The following PGF variants were observed in gnomAD, a reference collection of about 807,000 sequenced individuals.
PGF encodes placenta growth factor.
A neutral mutation model predicts 25.3 loss-of-function variants in PGF; 11 were observed. That is an observed-to-expected ratio of 0.43 (90% CI 0.27 to 0.72). PGF has a LOEUF of 0.72. PGF is among the 30% of genes least tolerant of loss of function. PGF has a pLI of 0.18. For missense variants in PGF, 230 were observed against 234.9 expected (o/e 0.98, Z 0.14); for synonymous variants, 105 against 97.9 (o/e 1.07, Z -0.43).
Position 74,942,501 on chromosome 14 carries a change from TTCTC to T in PGF, c.*201_*204del, listed in dbSNP as rs1274778547. ...AAGCTCCCAGGGGTCTGTGGCTGGC[TTCTC>T]TCTTTCTCTCACGTTGTTGAAGGCA... On this transcript the variant is annotated 3_prime_UTR_variant, in exon 7 of 7. Coordinates refer to ENST00000555567, the MANE Select transcript of PGF (RefSeq NM_002632.6). 6.7e-6 allele frequency: 4 copies of T among 599,864 alleles called. No homozygotes were observed. In the East Asian group the frequency reaches 9.7e-5, roughly 15 times the overall value. The allele number at this position is 599,864 out of a possible 1,614,324, so 37.2% of individuals were successfully genotyped here. A position where few individuals can be genotyped will look rare whatever the true frequency, so the allele number is the denominator to read the frequency against.
upstream of PGF, chr14:74,955,614 C>G (rs573999121): frequency 3.3e-5 from 6 of 179,700 alleles, no homozygotes; most frequent in Admixed American, 6.2e-5. The surrounding 1 kb of genome is among the most constrained non-coding windows in gnomAD (Gnocchi z 4.1). Flanking sequence ...GCAGCCGGTC[C>G]GCGCCTGGGT....
intron 6 of PGF, among the ~76,000 whole-genome samples, chr14:74,944,109 C>CTT (rs546450998): frequency 2.5e-4 from 28 of 112,518 alleles, no homozygotes; most frequent in African/African-American, 4.5e-4. Context: ...TGTTAATTTT[C>CTT]TTTTTTTTTT....
intron 2 of PGF, among the ~76,000 whole-genome samples, chr14:74,952,548 G>A (rs1470611106): frequency 1.3e-5 from 2 of 152,350 alleles, no homozygotes; most frequent in African/African-American, 2.4e-5. Context: ...CATTGTTACC[G>A]TGAATAGTAA....
In PGF at chr14:74,948,627, C is replaced by T. The variant is rs8021522; in HGVS notation, c.316-44G>A. The T allele has an allele frequency of 3.4e-3, 4,506 of 1,320,628 alleles. 80 individuals carry two copies. In the African/African-American group the frequency reaches 0.04, roughly 12 times the overall value. 81.8% of individuals were successfully genotyped at this position (1,320,628 alleles called of 1,614,324 possible). A position where few individuals can be genotyped will look rare whatever the true frequency, so the allele number is the denominator to read the frequency against. On this transcript the variant is annotated intron_variant, in intron 3 of 6. Transcript: ENST00000555567. ...GATGCCTGGATTGGGGAGTGGCCCA[C>T]GAGTTTCCGGCACTCTTCTCTCTCT... is the stretch of plus-strand genomic sequence containing the variant.
At position 74,950,874 on chromosome 14, in the gene PGF, A is replaced by C. The variant is rs1273198303; in HGVS notation, c.119-1321T>G. Among the ~76,000 whole-genome samples the C allele has an allele frequency of 6.6e-6, 1 of 152,182 alleles. No individual in the cohort carries two copies. The highest frequency in any genetic ancestry group is 1.5e-5 in the Non-Finnish European group (1 of 68,026). On this transcript the variant is annotated intron_variant, in intron 2 of 6. Transcript: ENST00000555567. This position sits in a 1 kb window ranked among gnomAD's most constrained non-coding sequence, Gnocchi z 4.1. The stretch of plus-strand genomic sequence containing the variant: ...GATGGTCATCCTCAGCTAGTGGGGA[A>C]GAATGGGGAGCTGGGGGTCCTGCAG...
chr14:74,942,505 CTCTT>C lies in PGF; in HGVS notation c.*197_*200del, dbSNP rs2140399018. 3.3e-6 allele frequency: 2 copies of C among 609,202 alleles called. No individual in the cohort carries two copies. Among genetic ancestry groups the C allele is most frequent in the East Asian group, 3.2e-5 (1 of 31,188 alleles). 37.7% of individuals were successfully genotyped at this position (609,202 alleles called of 1,614,324 possible). On this transcript the variant is annotated 3_prime_UTR_variant, in exon 7 of 7. Transcript: ENST00000555567. ...TCCCAGGGGTCTGTGGCTGGCTTCTCTCTTTCTCTCACGTTGTTGAAGGCACTGA... is the reference window on the plus strand; with the variant it reads ...TCCCAGGGGTCTGTGGCTGGCTTCTCTCTCTCACGTTGTTGAAGGCACTGA...
intron 2 of PGF, 88 bp from the exon 3 acceptor site, chr14:74,949,641 C>G (rs1888829241): frequency 1.9e-6 from 2 of 1,044,586 alleles, no homozygotes; most frequent in African/African-American, 3.2e-5. Flanking sequence ...TGCTGGCCTT[C>G]CAGGTTCAGC....
Position 74,955,194 on chromosome 14 carries a change from G to A in PGF, c.49C>T (p.Leu17=). 6.7e-7 allele frequency: 1 copy of A among 1,488,006 alleles called. No homozygotes were observed. Among genetic ancestry groups the A allele is most frequent in the Non-Finnish European group, 9.0e-7 (1 of 1,111,242 alleles). 92.2% of individuals were successfully genotyped at this position (1,488,006 alleles called of 1,614,324 possible). A position where few individuals can be genotyped will look rare whatever the true frequency, so the allele number is the denominator to read the frequency against. ...TGGGGGGGCACAGCAGGCAGCGCCA[G>A]CCCGGCCAGGAGCTGCAGGAAGCAA... ...FPCFLQLLAG[L]ALPAVPPQQW... is the part of the protein sequence containing the mutation. Residue 17 remains leucine (L), a synonymous_variant, in exon 1 of 7, where the codon CTG becomes TTG. Transcript: ENST00000555567. This position sits in a 1 kb window ranked among gnomAD's most constrained non-coding sequence, Gnocchi z 4.1.
chr14:74,942,780 A>G (rs748677546), intron 6 of PGF, 47 bp from the exon 7 acceptor site: 1 of 1,586,564 alleles, frequency 6.3e-7, no homozygotes, highest in Non-Finnish European at 8.6e-7. Flanking sequence ...CACACTGTGG[A>G]GGGTGCGGTC....
chr14:74,946,049 G>A (rs1174133462), intron 6 of PGF, 164 bp downstream of exon 6: 4 of 618,118 alleles, frequency 6.5e-6, no homozygotes, highest in Non-Finnish European at 1.1e-5. Flanking sequence ...AAGGTCCACT[G>A]ATGCTTCCTG....
rs918314084 is a variant in PGF, at chr14:74,955,233, T to A, written c.10A>T (p.Met4Leu). The A allele has an allele frequency of 6.8e-7, 1 of 1,476,156 alleles. No homozygotes were observed. Among genetic ancestry groups the A allele is most frequent in the Non-Finnish European group, 9.1e-7 (1 of 1,104,934 alleles). The allele number at this position is 1,476,156 out of a possible 1,614,324, so 91.4% of individuals were successfully genotyped here. Residue 4 changes from methionine (M) to leucine (L), a missense_variant, in exon 1 of 7, where the codon ATG (methionine) becomes TTG (leucine). By Grantham distance (15) the Met-to-Leu change is conservative. Transcript: ENST00000555567. This position sits in a 1 kb window ranked among gnomAD's most constrained non-coding sequence, Gnocchi z 4.1. MPV[M>L]RLFPCFLQLL... ...TGCAGGAAGCAAGGGAACAGCCTCA[T>A]GACCGGCATCTTCTCAGACGTCCCG...
At position 74,950,360 on chromosome 14, in the gene PGF, T is replaced by G. The variant is rs1888846092; in HGVS notation, c.119-807A>C. 6.6e-6 allele frequency among the ~76,000 whole-genome samples: 1 copy of G among 152,152 alleles called. No homozygotes were observed. Among genetic ancestry groups the G allele is most frequent in the Non-Finnish European group, 1.5e-5 (1 of 68,014 alleles). ...TCCGGCACTGCTTGCTCTTATCTCCTTTACAACCAACTCGAGGCTCCATGA... is the reference window on the plus strand; with the variant it reads ...TCCGGCACTGCTTGCTCTTATCTCCGTTACAACCAACTCGAGGCTCCATGA... On this transcript the variant is annotated intron_variant, in intron 2 of 6. Coordinates refer to ENST00000555567, the MANE Select transcript of PGF (RefSeq NM_002632.6). This position sits in a 1 kb window ranked among gnomAD's most constrained non-coding sequence, Gnocchi z 4.1.
Position 74,955,420 on chromosome 14 carries a change from C to G in PGF, c.-178G>C. On this transcript the variant is annotated 5_prime_UTR_variant, in exon 1 of 7. Transcript: ENST00000555567. This position sits in a 1 kb window ranked among gnomAD's most constrained non-coding sequence, Gnocchi z 4.1. ...TCTGGAAGCCTTGCGGAGTCAGGAG[C>G]CCGTAGGTAAGGCTGTGGCTGGGGA... is the stretch of plus-strand genomic sequence containing the variant. The G allele has an allele frequency of 2.4e-6, 1 of 408,184 alleles. No homozygotes were observed. The highest frequency in any genetic ancestry group is 4.4e-6 in the Non-Finnish European group (1 of 229,470). The allele number at this position is 408,184 out of a possible 1,614,324, so 25.3% of individuals were successfully genotyped here. A position where few individuals can be genotyped will look rare whatever the true frequency, so the allele number is the denominator to read the frequency against.
At chr14:74,949,715 G>A (rs1036330554) in intron 2 of PGF, among the ~76,000 whole-genome samples, 162 bp from the exon 3 acceptor site, 2 of 152,094 alleles carry the variant, frequency 1.3e-5, no homozygotes, top group Admixed American at 1.3e-4. Flanking sequence ...AAATGCCTGC[G>A]GGCCCCTTAG....
rs1022404217 is a variant in PGF at position 74,950,111 on chromosome 14, C to A, written c.119-558G>T. ...TCCAACCAGCGCTCACACTGAGCCA[C>A]GGCAGCACCACATTCACTCCCAGCT... is the stretch of plus-strand genomic sequence containing the variant. On this transcript the variant is annotated intron_variant, in intron 2 of 6. Transcript: ENST00000555567. The surrounding 1 kb of genome is among the most constrained non-coding windows in gnomAD (Gnocchi z 4.1). Among the ~76,000 whole-genome samples the A allele has an allele frequency of 1.3e-5, 2 of 152,178 alleles. No homozygotes were observed. Among genetic ancestry groups the A allele is most frequent in the South Asian group, 4.1e-4 (2 of 4,826 alleles).
At chr14:74,949,864 C>T (rs1391363056) in intron 2 of PGF, among the ~76,000 whole-genome samples, 2 of 152,230 alleles carry the variant, frequency 1.3e-5, no homozygotes, top group African/African-American at 2.4e-5. Flanking sequence ...TACCCAGGCC[C>T]TCTGGATCTT....
chr14:74,948,462 G>T, intron 4 of PGF, 45 bp downstream of exon 4: 1 of 1,229,826 alleles, frequency 8.1e-7, no homozygotes, highest in Non-Finnish European at 1.2e-6. Flanking sequence ...GCTGCCAAGA[G>T]GACGGGGGCC....
rs1053780428 is a variant in PGF, at chr14:74,942,293, T to C, written c.*413A>G. ...CCAGGCCGTGGCGGCCCCAGCAGGA[T>C]CCGCATCCCTACTTTGGACAGGAGC... On this transcript the variant is annotated 3_prime_UTR_variant, in exon 7 of 7. Transcript: ENST00000555567. 3.5e-5 allele frequency: 4 copies of C among 114,232 alleles called. No individual in the cohort carries two copies. The highest frequency in any genetic ancestry group is 5.9e-5 in the African/African-American group (2 of 34,178). The allele number at this position is 114,232 out of a possible 1,614,324, so 7.1% of individuals were successfully genotyped here.
chr14:74,946,502 A>G (rs965803269), intron 4 of PGF, 94 bp from the exon 5 acceptor site: 4 of 1,261,242 alleles, frequency 3.2e-6, no homozygotes, highest in Non-Finnish European at 4.4e-6. Flanking sequence ...CGACATCCCC[A>G]GTCCTGGTCC....
Sources: allele counts gnomAD v4.1 joint callset (sites outside exome capture counted in the v4.1 genomes callset), GRCh38; gene constraint gnomAD v4.1.1; non-coding constraint Gnocchi (gnomAD v3.1); transcripts MANE v1.5; gene names NCBI Gene and HGNC (gene_info 2026-07-23, HGNC 2026-07-21).